Variants in LRRC72 observed in about 807,000 individuals in gnomAD.
The protein encoded by LRRC72 is leucine rich repeat containing 72.
In LRRC72, 41 loss-of-function variants were observed where a neutral mutation model predicts 35.8. The observed-to-expected ratio is 1.15, with a 90% CI of 0.89 to 1.49. The LOEUF is 1.49. Ranked by LOEUF, LRRC72 falls within the 40% of genes most tolerant of loss-of-function variation. LRRC72 has a pLI of 0.00. For synonymous variants in LRRC72, 118 were observed against 119.2 expected, an observed-to-expected ratio of 0.99 and a Z score of 0.07; for missense variants, 389 against 330.7, an observed-to-expected ratio of 1.18 and a Z score of -1.37.
intron 5 of LRRC72, among the ~76,000 whole-genome samples, chr7:16,559,463 A>T (rs978995022): frequency 6.6e-5 from 10 of 152,302 alleles, no homozygotes; most frequent in African/African-American, 2.4e-4. Flanking sequence ...TACGCTTTTG[A>T]AAAAACAACA....
In LRRC72 at chr7:16,526,995, T is replaced by A; in HGVS notation, c.43T>A (p.Trp15Arg). 1.3e-6 allele frequency: 2 copies of A among 1,540,052 alleles called. No homozygotes were observed. Among genetic ancestry groups the A allele is most frequent in the Non-Finnish European group, 1.7e-6 (2 of 1,146,918 alleles). Residue 15 changes from tryptophan to arginine, a missense_variant, in exon 1 of 9, where the codon TGG (tryptophan) becomes AGG (arginine). Transcript: ENST00000401542. Reference sequence around the variant, plus strand: ...CCCCGTGCCCCGTACCTTGCGATGCTGGCGCCTACGGAGGGCATCCGAAAC... The same window carrying A: ...CCCCGTGCCCCGTACCTTGCGATGCAGGCGCCTACGGAGGGCATCCGAAAC... ...PNPVPRTLRC[W>R]RLRRASETAL...
intron 7 of LRRC72, among the ~76,000 whole-genome samples, chr7:16,569,422 C>CA (rs1006272032): frequency 2.6e-5 from 4 of 151,762 alleles, no homozygotes; most frequent in East Asian, 1.9e-4. Flanking sequence ...TCTTAAAAAA[C>CA]AAAAAAACAA....
chr7:16,532,973 G>A (rs568977701), intron 2 of LRRC72, among the ~76,000 whole-genome samples: 31 of 152,180 alleles, frequency 2.0e-4, no homozygotes, highest in African/African-American at 6.7e-4. Context: ...CACTGTTTCC[G>A]TGAAATTCAA....
chr7:16,566,215 A>C (rs1782835516), intron 5 of LRRC72, 98 bp from the exon 6 acceptor site: 1 of 678,396 alleles, frequency 1.5e-6, no homozygotes, highest in South Asian at 2.9e-5. Context: ...ACAAGTTCTT[A>C]TGTTTTATAC....
intron 3 of LRRC72, among the ~76,000 whole-genome samples, chr7:16,555,492 G>T (rs1782634723): frequency 6.6e-6 from 1 of 152,108 alleles, no homozygotes; most frequent in Non-Finnish European, 1.5e-5. Context: ...ATAGTTCCTG[G>T]CCGGACATGG....
At chr7:16,562,436 T>C (rs1782759180) in intron 5 of LRRC72, among the ~76,000 whole-genome samples, 1 of 152,224 alleles carries the variant, frequency 6.6e-6, no homozygotes, top group Admixed American at 6.5e-5. Flanking sequence ...AGTTTTCTCG[T>C]TTCTTTCTAA....
At chr7:16,551,290 C>T (rs1425811914) in intron 3 of LRRC72, among the ~76,000 whole-genome samples, 3 of 152,180 alleles carry the variant, frequency 2.0e-5, no homozygotes, top group Non-Finnish European at 4.4e-5. Context: ...TTGGGTTTAA[C>T]GGACATAGTC....
At chr7:16,571,280 G>T (rs1345864613) in intron 7 of LRRC72, among the ~76,000 whole-genome samples, 1 of 152,186 alleles carries the variant, frequency 6.6e-6, no homozygotes, top group Non-Finnish European at 1.5e-5. Context: ...GGCCGTGAGG[G>T]AAGGGGGCTC....
At chr7:16,554,262 G>T (rs961177496) in intron 3 of LRRC72, among the ~76,000 whole-genome samples, 2 of 152,176 alleles carry the variant, frequency 1.3e-5, no homozygotes, top group Non-Finnish European at 2.9e-5. Context: ...CCCGGGAGGT[G>T]GAGGTTGCAG....
chr7:16,537,537 G>A, intron 2 of LRRC72, 90 bp from the exon 3 acceptor site: 1 of 642,662 alleles, frequency 1.6e-6, no homozygotes, highest in African/African-American at 1.9e-5. Flanking sequence ...GGCCTTTCTA[G>A]TTACTACGAA....
In LRRC72 at chr7:16,574,128, A is replaced by G. The variant is rs188298825; in HGVS notation, c.671-5946A>G. ...CCAACTCATGCCAGTTAGAATGGCA[A>G]TCATTAAAAAGTCAGGAAACAACAG... On this transcript the variant is annotated intron_variant, in intron 7 of 8. Coordinates refer to ENST00000401542, the MANE Select transcript of LRRC72 (RefSeq NM_001195280.2). 5.2e-3 allele frequency among the ~76,000 whole-genome samples: 790 copies of G among 152,358 alleles called. 9 individuals are homozygous for G. Among genetic ancestry groups the G allele is most frequent in the African/African-American group, 0.018 (733 of 41,592 alleles).
At chr7:16,559,677 G>C (rs1442607583) in intron 5 of LRRC72, among the ~76,000 whole-genome samples, 1 of 152,052 alleles carries the variant, frequency 6.6e-6, no homozygotes, top group Non-Finnish European at 1.5e-5. Flanking sequence ...TTTTTAAATA[G>C]ATGAGTGTTG....
chr7:16,526,826 G>C lies in LRRC72; in HGVS notation c.-127G>C. On this transcript the variant is annotated 5_prime_UTR_variant, in exon 1 of 9. Transcript: ENST00000401542. Reference sequence around the variant, plus strand: ...ATTTCCCAGTGTGGACTGGCTTTTAGTCAACGGGAATGCGGTAACTGTTGG... The same window carrying C: ...ATTTCCCAGTGTGGACTGGCTTTTACTCAACGGGAATGCGGTAACTGTTGG... 3 of 757,466 alleles carry C rather than the reference G, an allele frequency of 4.0e-6. No homozygotes were observed. Among genetic ancestry groups the C allele is most frequent in the South Asian group, 3.2e-5 (2 of 61,892 alleles). The allele number at this position is 757,466 out of a possible 1,614,324, so 46.9% of individuals were successfully genotyped here. A position where few individuals can be genotyped will look rare whatever the true frequency, so the allele number is the denominator to read the frequency against.
chr7:16,526,850 G>T lies in LRRC72; in HGVS notation c.-103G>T. 1 of 896,516 alleles carries T rather than the reference G, an allele frequency of 1.1e-6. No homozygotes were observed. The highest frequency in any genetic ancestry group is 1.8e-6 in the Non-Finnish European group (1 of 567,356). The allele number at this position is 896,516 out of a possible 1,614,324, so 55.5% of individuals were successfully genotyped here. A position where few individuals can be genotyped will look rare whatever the true frequency, so the allele number is the denominator to read the frequency against. On this transcript the variant is annotated 5_prime_UTR_variant, in exon 1 of 9. Transcript: ENST00000401542. ...AGTCAACGGGAATGCGGTAACTGTT[G>T]GTAACAGAACAACGAGCTGTGCACC...
chr7:16,569,011 T>G (rs1562752221), intron 7 of LRRC72, among the ~76,000 whole-genome samples: 1 of 152,106 alleles, frequency 6.6e-6, no homozygotes, highest in Non-Finnish European at 1.5e-5. Context: ...ATTGTGAAAA[T>G]TTTCTAACAG....
At chr7:16,576,073 A>G (rs969636522) in intron 7 of LRRC72, among the ~76,000 whole-genome samples, 10 of 152,212 alleles carry the variant, frequency 6.6e-5, no homozygotes, top group Admixed American at 2.0e-4. Flanking sequence ...TAATTAAAAG[A>G]TATGTTGACT....
At position 16,557,338 on chromosome 7, in the gene LRRC72, G is replaced by A. The variant is rs1315485225; in HGVS notation, c.235-22G>A. On this transcript the variant is annotated intron_variant, in intron 3 of 8. Coordinates refer to ENST00000401542, the MANE Select transcript of LRRC72 (RefSeq NM_001195280.2). Reference sequence around the variant, plus strand: ...ATACAGTTATTATAGAAAGTATATTGTTCTCTAACTCTCATTTTTAGCTCC... The same window carrying A: ...ATACAGTTATTATAGAAAGTATATTATTCTCTAACTCTCATTTTTAGCTCC... 4.2e-6 allele frequency: 4 copies of A among 954,762 alleles called. No homozygotes were observed. In the Admixed American group the frequency reaches 1.1e-4, roughly 26 times the overall value. The allele number at this position is 954,762 out of a possible 1,614,324, so 59.1% of individuals were successfully genotyped here. A position where few individuals can be genotyped will look rare whatever the true frequency, so the allele number is the denominator to read the frequency against.
At chr7:16,528,716 G>C (rs909949957) in intron 1 of LRRC72, among the ~76,000 whole-genome samples, 1 of 152,112 alleles carries the variant, frequency 6.6e-6, no homozygotes, top group Non-Finnish European at 1.5e-5. Flanking sequence ...CACTGCTAGA[G>C]TCATCTTCCT....
At chr7:16,528,297 G>C (rs1348907740) in intron 1 of LRRC72, among the ~76,000 whole-genome samples, 1 of 151,606 alleles carries the variant, frequency 6.6e-6, no homozygotes, top group African/African-American at 2.4e-5. Flanking sequence ...CTCTCCTCTG[G>C]TTAACTGACT....
Sources: allele counts gnomAD v4.1 joint callset (sites outside exome capture counted in the v4.1 genomes callset), GRCh38; gene constraint gnomAD v4.1.1; transcripts MANE v1.5; gene names NCBI Gene and HGNC (gene_info 2026-07-23, HGNC 2026-07-21).